The following NIPSNAP1 variants were observed in gnomAD, a reference collection of about 807,000 sequenced individuals.
NIPSNAP1 encodes protein NipSnap homolog 1.
A neutral mutation model predicts 49.2 loss-of-function variants in NIPSNAP1; 25 were observed. That is an observed-to-expected ratio of 0.51 (90% CI 0.37 to 0.71). The LOEUF (loss-of-function observed/expected upper bound fraction) is 0.71. Ranked by LOEUF, NIPSNAP1 falls within the 30% of genes least tolerant of loss-of-function variation. NIPSNAP1 has a pLI of 0.00. For missense variants in NIPSNAP1, 294 were observed against 361.0 expected (o/e 0.81, Z 1.50); for synonymous variants, 143 against 140.7 (o/e 1.02, Z -0.12).
At chr22:29,560,241 C>CTTTTTTTTTTTT (rs35947318) in intron 8 of NIPSNAP1, among the ~76,000 whole-genome samples, 7 of 145,326 alleles carry the variant, frequency 4.8e-5, no homozygotes, top group Non-Finnish European at 4.5e-5. Flanking sequence ...CTCTCCCTGC[C>CTTTTTTTTTTTT]TTTTTTTTTT....
chr22:29,573,013 A>G (rs989178095), intron 1 of NIPSNAP1, among the ~76,000 whole-genome samples: 2 of 150,994 alleles, frequency 1.3e-5, no homozygotes, highest in Admixed American at 6.6e-5. Flanking sequence ...ATAATCTTAA[A>G]GTGGTGATAT....
chr22:29,576,135 C>A (rs2064450381), intron 1 of NIPSNAP1, among the ~76,000 whole-genome samples: 1 of 151,102 alleles, frequency 6.6e-6, no homozygotes, highest in African/African-American at 2.5e-5. Context: ...TCTCTTGCCT[C>A]AGCCTCCCGA....
chr22:29,569,185 C>G lies in NIPSNAP1; in HGVS notation c.367+8G>C, dbSNP rs745923809. The G allele has an allele frequency of 6.2e-7, 1 of 1,612,832 alleles. No homozygotes were observed. Among genetic ancestry groups the G allele is most frequent in the Non-Finnish European group, 8.5e-7 (1 of 1,179,066 alleles). On this transcript the variant is annotated splice_region_variant and intron_variant, in intron 4 of 9. Coordinates refer to ENST00000216121, the MANE Select transcript of NIPSNAP1 (RefSeq NM_003634.4). ...GTGGCAATGGCACTAGGGAGGTGAG[C>G]GCCTTACCTGCCTGGTCCTGCTCCC...
chr22:29,559,058 C>T (rs1206555668), intron 8 of NIPSNAP1, 105 bp from the exon 9 acceptor site: 7 of 809,342 alleles, frequency 8.6e-6, no homozygotes, highest in African/African-American at 6.7e-5. Context: ...CTGCTGTCTC[C>T]TCCTCCCTAG....
At chr22:29,574,773 C>G (rs1384700903) in intron 1 of NIPSNAP1, among the ~76,000 whole-genome samples, 4 of 124,072 alleles carry the variant, frequency 3.2e-5, no homozygotes, top group African/African-American at 1.2e-4. Context: ...GAGCGAAACT[C>G]TGTCTCAAAA....
intron 4 of NIPSNAP1, chr22:29,564,520 TG>T (rs1274678835): frequency 2.4e-6 from 1 of 416,280 alleles, no homozygotes; most frequent in African/African-American, 2.1e-5. Flanking sequence ...TTTAAGAGAC[TG>T]TCCTGCCTAT....
intron 1 of NIPSNAP1, among the ~76,000 whole-genome samples, chr22:29,575,979 G>A (rs1158113517): frequency 6.7e-6 from 1 of 149,922 alleles, no homozygotes; most frequent in Non-Finnish European, 1.5e-5. Flanking sequence ...CTCCCAAAGT[G>A]CTGGGATTAC....
chr22:29,556,146 GC>G, intron 9 of NIPSNAP1, 147 bp from the exon 10 acceptor site: 1 of 667,280 alleles, frequency 1.5e-6, no homozygotes, highest in Non-Finnish European at 2.7e-6. Flanking sequence ...TCGTGGAAGG[GC>G]CCATGAAGAG....
intron 4 of NIPSNAP1, chr22:29,564,439 T>G: frequency 2.1e-6 from 1 of 469,564 alleles, no homozygotes; most frequent in South Asian, 1.5e-5. Context: ...AGGAATTTTC[T>G]TTATTTTTCT....
intron 1 of NIPSNAP1, among the ~76,000 whole-genome samples, chr22:29,579,116 G>C (rs433194): frequency 6.7e-6 from 1 of 149,942 alleles, no homozygotes; most frequent in African/African-American, 2.5e-5. Flanking sequence ...TCTGTCACCC[G>C]GGTTGGAGTG....
At chr22:29,576,805 A>T (rs985878010) in intron 1 of NIPSNAP1, among the ~76,000 whole-genome samples, 1 of 151,020 alleles carries the variant, frequency 6.6e-6, no homozygotes, top group Admixed American at 6.6e-5. Flanking sequence ...GGCGCCTGTA[A>T]TCCCAGCTAC....
intron 1 of NIPSNAP1, among the ~76,000 whole-genome samples, chr22:29,578,087 G>A (rs1302581089): frequency 1.3e-5 from 2 of 150,410 alleles, no homozygotes; most frequent in Non-Finnish European, 2.9e-5. Flanking sequence ...TAATAAAGAC[G>A]GGGTTTCACC....
intron 4 of NIPSNAP1, among the ~76,000 whole-genome samples, chr22:29,565,681 C>T (rs2064363854): frequency 6.6e-6 from 1 of 151,998 alleles, no homozygotes; most frequent in African/African-American, 2.4e-5. Flanking sequence ...CTCTTATTCC[C>T]TTAGCCACAT....
chr22:29,561,306 G>C, intron 6 of NIPSNAP1, 104 bp from the exon 7 acceptor site: 1 of 1,499,552 alleles, frequency 6.7e-7, no homozygotes. Context: ...CACCTCCCAA[G>C]CTGCAGCGGC....
intron 1 of NIPSNAP1, among the ~76,000 whole-genome samples, chr22:29,579,077 A>C (rs2064476649): frequency 6.6e-6 from 1 of 150,618 alleles, no homozygotes; most frequent in South Asian, 2.1e-4. Flanking sequence ...CAACCACGGA[A>C]TCTTTTTTTT....
rs1455876369 is a variant in NIPSNAP1, at chr22:29,558,796, CTA to C, written c.790+72_790+73del. On this transcript the variant is annotated intron_variant, in intron 9 of 9. Coordinates refer to ENST00000216121, the MANE Select transcript of NIPSNAP1 (RefSeq NM_003634.4). ...CATCACTGGAGGTAATCAAGAAAGA[CTA>C]GATCTCCTTGCAGAGAGGATTCCAT... 7.9e-5 allele frequency: 88 copies of C among 1,110,500 alleles called. No individual in the cohort carries two copies. The Middle Eastern group carries it at 8.0e-4, about 10-fold the overall frequency. 68.8% of individuals were successfully genotyped at this position (1,110,500 alleles called of 1,614,324 possible).
chr22:29,572,532 A>T (rs191794322), intron 1 of NIPSNAP1, among the ~76,000 whole-genome samples: 204 of 150,730 alleles, frequency 1.4e-3, no homozygotes, highest in African/African-American at 4.7e-3. Context: ...AAAATAATAA[A>T]TATGACTGGC....
chr22:29,564,321 G>A (rs1310163619), intron 4 of NIPSNAP1: 1 of 470,338 alleles, frequency 2.1e-6, no homozygotes, highest in Non-Finnish European at 4.4e-6. Flanking sequence ...TTTCCCAAAG[G>A]AAATGGCAAA....
intron 4 of NIPSNAP1, among the ~76,000 whole-genome samples, chr22:29,568,178 CAAAA>C (rs33974680): frequency 2.5e-5 from 1 of 40,632 alleles, no homozygotes. Context: ...GACCCTGTCT[CAAAA>C]AAAAAAAAAA....
Sources: allele counts gnomAD v4.1 joint callset (sites outside exome capture counted in the v4.1 genomes callset), GRCh38; gene constraint gnomAD v4.1.1; transcripts MANE v1.5; gene names NCBI Gene and HGNC (gene_info 2026-07-23, HGNC 2026-07-21).